Variants in LRRC1 observed in about 807,000 individuals in gnomAD.
The protein encoded by LRRC1 is leucine rich repeat containing 1.
A neutral mutation model predicts 69.9 loss-of-function variants in LRRC1; 28 were observed. The ratio of observed to expected loss-of-function variants is 0.40; its 90% CI spans 0.30 to 0.55. LRRC1 has a LOEUF of 0.55. Ranked by LOEUF, LRRC1 falls within the 20% of genes least tolerant of loss-of-function variation. The pLI is 0.47. For synonymous variants in LRRC1, 236 were observed against 240.2 expected (o/e 0.98, Z 0.16); for missense variants, 498 against 609.0 (o/e 0.82, Z 1.92).
chr6:53,879,167 C>T, intron 3 of LRRC1, 96 bp downstream of exon 3: 2 of 737,382 alleles, frequency 2.7e-6, no homozygotes, highest in Non-Finnish European at 4.7e-6. Context: ...CTTGGAGGTA[C>T]CTAGATGGAT....
chr6:53,877,714 A>G (rs1377783683), intron 2 of LRRC1, among the ~76,000 whole-genome samples: 1 of 152,070 alleles, frequency 6.6e-6, no homozygotes, highest in African/African-American at 2.4e-5. Flanking sequence ...CAAGTTCCTC[A>G]TCTCCCACCT....
chr6:53,803,359 A>C (rs945654547), intron 1 of LRRC1, among the ~76,000 whole-genome samples: 1 of 152,118 alleles, frequency 6.6e-6, no homozygotes, highest in Non-Finnish European at 1.5e-5. Flanking sequence ...GGGCAAGTTC[A>C]CCTATTTTAG....
At chr6:53,811,034 C>T (rs1304668038) in intron 1 of LRRC1, among the ~76,000 whole-genome samples, 1 of 152,164 alleles carries the variant, frequency 6.6e-6, no homozygotes, top group African/African-American at 2.4e-5. Context: ...CTACCCCAGG[C>T]ATTGGGAAAT....
intron 1 of LRRC1, among the ~76,000 whole-genome samples, chr6:53,816,106 GGT>G (rs1299052149): frequency 6.6e-6 from 1 of 152,114 alleles, no homozygotes; most frequent in African/African-American, 2.4e-5. Flanking sequence ...AACGCATGAA[GGT>G]GTGTCTAATG....
At chr6:53,847,751 T>C (rs1191265884) in intron 2 of LRRC1, among the ~76,000 whole-genome samples, 1 of 152,192 alleles carries the variant, frequency 6.6e-6, no homozygotes, top group Non-Finnish European at 1.5e-5. Flanking sequence ...TTTCATAAGA[T>C]CTAAAACCAA....
intron 8 of LRRC1, 127 bp downstream of exon 8, chr6:53,900,018 CTGTTTTTTTT>C: frequency 2.5e-5 from 7 of 283,900 alleles, no homozygotes; most frequent in East Asian, 6.2e-5. Context: ...AGTCTCCTTA[CTGTTTTTTTT>C]TTTTTTTTTT....
intron 10 of LRRC1, among the ~76,000 whole-genome samples, chr6:53,907,450 G>A (rs1449737378): frequency 6.6e-6 from 1 of 152,200 alleles, no homozygotes; most frequent in Non-Finnish European, 1.5e-5. Flanking sequence ...AAATGGTTGA[G>A]GGGAAGATGT....
Position 53,902,695 on chromosome 6 carries a change from T to C in LRRC1, c.854T>C (p.Val285Ala), listed in dbSNP as rs763233291. The C allele has an allele frequency of 1.9e-5, 30 of 1,613,356 alleles. No homozygotes were observed. Among genetic ancestry groups the C allele is most frequent in the Non-Finnish European group, 2.5e-5 (30 of 1,179,672 alleles). Residue 285 changes from valine to alanine, a missense_variant, in exon 9 of 14, where the codon GTT becomes GCT. Transcript: ENST00000370888. ...QNRLTQLPEA[V>A]GECESLTELV... ...AGACTCACACAGTTGCCTGAAGCAG[T>C]TGGGGAATGTGAAAGTCTCACTGAG...
chr6:53,896,796 C>A, intron 5 of LRRC1, 33 bp from the exon 6 acceptor site: 6 of 1,379,420 alleles, frequency 4.3e-6, no homozygotes, highest in Non-Finnish European at 6.2e-6. Flanking sequence ...TCTAAGTATT[C>A]TCTAAGTGCT....
intron 1 of LRRC1, among the ~76,000 whole-genome samples, chr6:53,820,402 A>G (rs1765083951): frequency 6.8e-6 from 1 of 147,430 alleles, no homozygotes; most frequent in Middle Eastern, 3.2e-3. Flanking sequence ...TGTGTACAGC[A>G]TCTAGTATGG....
At chr6:53,818,337 C>T (rs1173657153) in intron 1 of LRRC1, among the ~76,000 whole-genome samples, 1 of 151,864 alleles carries the variant, frequency 6.6e-6, no homozygotes. Context: ...ATAGAAATAC[C>T]AGTGTATCAA....
chr6:53,905,698 C>T (rs1264168040), intron 10 of LRRC1, among the ~76,000 whole-genome samples: 1 of 152,178 alleles, frequency 6.6e-6, no homozygotes, highest in African/African-American at 2.4e-5. Context: ...TTCCTTTCCT[C>T]ATCTTGGTGT....
At chr6:53,838,841 C>T (rs1458546794) in intron 1 of LRRC1, among the ~76,000 whole-genome samples, 2 of 152,100 alleles carry the variant, frequency 1.3e-5, no homozygotes, top group Non-Finnish European at 2.9e-5. Flanking sequence ...CATTCATTTG[C>T]TGAGATTTAT....
intron 6 of LRRC1, 44 bp downstream of exon 6, chr6:53,896,936 A>G (rs754803175): frequency 1.3e-5 from 16 of 1,266,482 alleles, no homozygotes; most frequent in East Asian, 2.3e-5. Context: ...GTTTTTAGTT[A>G]TGATCACACA....
At chr6:53,830,630 A>G (rs1396686377) in intron 1 of LRRC1, among the ~76,000 whole-genome samples, 1 of 152,072 alleles carries the variant, frequency 6.6e-6, no homozygotes, top group Non-Finnish European at 1.5e-5. Flanking sequence ...ACCAGTAGGA[A>G]ACTTTGTGAA....
At chr6:53,847,755 A>AAAC (rs1765993657) in intron 2 of LRRC1, among the ~76,000 whole-genome samples, 1 of 152,206 alleles carries the variant, frequency 6.6e-6, no homozygotes, top group Admixed American at 6.5e-5. Flanking sequence ...ATAAGATCTA[A>AAAC]AACCAATCTC....
At chr6:53,875,297 A>T (rs1767028497) in intron 2 of LRRC1, among the ~76,000 whole-genome samples, 1 of 152,352 alleles carries the variant, frequency 6.6e-6, no homozygotes, top group African/African-American at 2.4e-5. Flanking sequence ...ATATGAAAAT[A>T]TATACAATGT....
rs769808539 is a variant in LRRC1, at chr6:53,904,395, T to C, written c.923T>C (p.Ile308Thr). 2.4e-5 allele frequency: 38 copies of C among 1,610,320 alleles called. No homozygotes were observed. The highest frequency in any genetic ancestry group is 3.1e-5 in the Non-Finnish European group (37 of 1,177,914). ...ENQLLTLPKSIGKLKKLSNLN... is the reference protein window; with the variant it reads ...ENQLLTLPKSTGKLKKLSNLN... ...TTTTAACAGACCCTGCCTAAAAGCA[T>C]TGGAAAACTAAAGAAGTTGAGCAAC... The change falls in exon 10 of 14, where the codon ATT (isoleucine) becomes ACT (threonine). Residue 308 changes from isoleucine to threonine, a missense_variant. Ile to Thr is a moderately conservative substitution (Grantham distance 89, BLOSUM62 -1). Coordinates refer to ENST00000370888, the MANE Select transcript of LRRC1 (RefSeq NM_018214.5).
chr6:53,859,592 C>T (rs931042709), intron 2 of LRRC1, among the ~76,000 whole-genome samples: 1 of 152,100 alleles, frequency 6.6e-6, no homozygotes, highest in Admixed American at 6.5e-5. Context: ...GGCTTTACTA[C>T]GTCCAGAAAA....
Sources: allele counts gnomAD v4.1 joint callset (sites outside exome capture counted in the v4.1 genomes callset), GRCh38; gene constraint gnomAD v4.1.1; transcripts MANE v1.5; gene names NCBI Gene and HGNC (gene_info 2026-07-23, HGNC 2026-07-21).